PCDH15: variants seen among roughly 807,000 people sequenced by gnomAD.
PCDH15 encodes the protein protocadherin-15.
A neutral mutation model predicts 178.5 loss-of-function variants in PCDH15; 129 were observed. The ratio of observed to expected loss-of-function variants is 0.72; its 90% CI spans 0.63 to 0.84. The LOEUF (loss-of-function observed/expected upper bound fraction) is 0.84, where lower values mean the gene tolerates loss of function less well. Among genes scored for constraint, PCDH15 ranks in the 40% least tolerant of loss-of-function variants. The pLI is 0.00. For synonymous variants in PCDH15, 800 were observed against 732.0 expected, an observed-to-expected ratio of 1.09 and a Z score of -1.50; for missense variants, 2,230 against 2,099.9, an observed-to-expected ratio of 1.06 and a Z score of -1.21.
At chr10:53,849,851 G>C (rs1216523743) in intron 28 of PCDH15, among the ~76,000 whole-genome samples, 1 of 112,904 alleles carries the variant, frequency 8.9e-6, no homozygotes, top group Non-Finnish European at 1.7e-5. Flanking sequence ...ACAGAGGAAG[G>C]CTCCGTCTCA....
intron 2 of PCDH15, among the ~76,000 whole-genome samples, chr10:55,622,453 C>T (rs1339082563): frequency 1.3e-5 from 2 of 151,710 alleles, no homozygotes; most frequent in East Asian, 3.9e-4. Flanking sequence ...AATGAAAAAA[C>T]ATAGTTATAT....
chr10:54,659,934 C>T (rs2094465365), intron 2 of PCDH15, among the ~76,000 whole-genome samples: 2 of 151,942 alleles, frequency 1.3e-5, no homozygotes, highest in South Asian at 4.2e-4. Context: ...ACAATGAAAG[C>T]AGTGTTAAGA....
chr10:55,262,430 A>G (rs1413642824), intron 1 of PCDH15, among the ~76,000 whole-genome samples: 1 of 152,146 alleles, frequency 6.6e-6, no homozygotes, highest in Non-Finnish European at 1.5e-5. Flanking sequence ...GTGCTTATAA[A>G]AACACTGAGA....
At chr10:54,719,511 CT>C (rs139515670) in intron 1 of PCDH15, among the ~76,000 whole-genome samples, 18,490 of 148,852 alleles carry the variant, frequency 0.12, 1,263 homozygotes, top group African/African-American at 0.17. Flanking sequence ...TTATTATTTC[CT>C]TTTTTTTTTA....
At chr10:54,695,002 C>T (rs1183696839) in intron 1 of PCDH15, among the ~76,000 whole-genome samples, 1 of 150,930 alleles carries the variant, frequency 6.6e-6, no homozygotes, top group African/African-American at 2.4e-5. Flanking sequence ...AAAAGTGCTA[C>T]TTCAGTGAGC....
chr10:55,101,362 C>T (rs1293110641), intron 2 of PCDH15, among the ~76,000 whole-genome samples: 2 of 151,514 alleles, frequency 1.3e-5, no homozygotes, highest in Non-Finnish European at 2.9e-5. Context: ...GCACTCCAGC[C>T]TGGGTGACAG....
intron 2 of PCDH15, among the ~76,000 whole-genome samples, chr10:54,940,661 A>G (rs1437128344): frequency 1.3e-5 from 2 of 151,752 alleles, no homozygotes; most frequent in African/African-American, 2.4e-5. Flanking sequence ...TGCATTCTCT[A>G]TCTCTTAATT....
intron 1 of PCDH15, among the ~76,000 whole-genome samples, chr10:55,230,054 T>C (rs1841166312): frequency 6.6e-6 from 1 of 152,074 alleles, no homozygotes; most frequent in African/African-American, 2.4e-5. Context: ...TATAACCTAG[T>C]GCCTGTCCCT....
chr10:54,775,809 C>T (rs1458761776), intron 1 of PCDH15, among the ~76,000 whole-genome samples: 2 of 152,104 alleles, frequency 1.3e-5, no homozygotes, highest in African/African-American at 4.8e-5. Flanking sequence ...TGGCGTGAAC[C>T]CGGGAGGCGG....
chr10:55,591,074 T>C (rs1026642064), intron 2 of PCDH15, among the ~76,000 whole-genome samples: 2 of 152,076 alleles, frequency 1.3e-5, no homozygotes, highest in African/African-American at 2.4e-5. Context: ...TATAATAACA[T>C]TTATCTTCTA....
chr10:55,616,619 A>G (rs558384156), intron 2 of PCDH15, among the ~76,000 whole-genome samples: 4 of 152,246 alleles, frequency 2.6e-5, no homozygotes, highest in African/African-American at 9.6e-5. Context: ...GTTTGAAGGT[A>G]GCAAGAAAAT....
chr10:55,390,420 T>G (rs192305803), intron 2 of PCDH15, among the ~76,000 whole-genome samples: 6 of 152,250 alleles, frequency 3.9e-5, no homozygotes, highest in Admixed American at 3.9e-4. Flanking sequence ...AATTGAGTAT[T>G]CCTTTCACAA....
intron 1 of PCDH15, among the ~76,000 whole-genome samples, chr10:55,219,537 A>C (rs1840808794): frequency 1.3e-5 from 2 of 151,380 alleles, no homozygotes; most frequent in African/African-American, 4.9e-5. Flanking sequence ...CAAAACTTTT[A>C]ATTAATATAC....
intron 2 of PCDH15, among the ~76,000 whole-genome samples, chr10:55,540,679 G>A (rs942037753): frequency 2.6e-5 from 4 of 151,956 alleles, no homozygotes; most frequent in Non-Finnish European, 4.4e-5. Flanking sequence ...GGCTTTCCTC[G>A]AATAACTAAA....
intron 3 of PCDH15, among the ~76,000 whole-genome samples, chr10:54,863,694 A>G (rs1463768599): frequency 6.6e-6 from 1 of 152,154 alleles, no homozygotes; most frequent in Non-Finnish European, 1.5e-5. Flanking sequence ...ATACTGTGGG[A>G]GAAGAAAAGG....
chr10:54,869,484 T>TAC (rs1436233773), intron 3 of PCDH15, among the ~76,000 whole-genome samples: 1 of 152,138 alleles, frequency 6.6e-6, no homozygotes, highest in African/African-American at 2.4e-5. Flanking sequence ...TATTAAAGAG[T>TAC]ACACAGTGTA....
intron 3 of PCDH15, among the ~76,000 whole-genome samples, chr10:54,524,537 A>T (rs916290652): frequency 6.6e-6 from 1 of 152,216 alleles, no homozygotes; most frequent in African/African-American, 2.4e-5. Context: ...CAGGTCTTTA[A>T]GTAGTCCCAG....
intron 1 of PCDH15, among the ~76,000 whole-genome samples, chr10:55,303,058 TATAAG>T (rs1252524960): frequency 6.6e-6 from 1 of 150,432 alleles, no homozygotes; most frequent in African/African-American, 2.5e-5. Flanking sequence ...ATAATAAGGT[TATAAG>T]ATAAGAAAAC....
At chr10:55,062,667 T>C (rs1841463449) in intron 2 of PCDH15, among the ~76,000 whole-genome samples, 1 of 152,160 alleles carries the variant, frequency 6.6e-6, no homozygotes, top group South Asian at 2.1e-4. Flanking sequence ...TAGACACATG[T>C]CAATATAAAT....
Sources: allele counts gnomAD v4.1 joint callset (sites outside exome capture counted in the v4.1 genomes callset), GRCh38; gene constraint gnomAD v4.1.1; transcripts MANE v1.5; gene names NCBI Gene and HGNC (gene_info 2026-07-23, HGNC 2026-07-21).